Variants in RASGRF2 observed in about 807,000 individuals in gnomAD.
RASGRF2 encodes the protein Ras protein specific guanine nucleotide releasing factor 2, also known as ras-specific guanine nucleotide-releasing factor 2.
In RASGRF2, 76 loss-of-function variants were observed where a neutral mutation model predicts 151.0. The observed-to-expected ratio is 0.50, with a 90% CI of 0.42 to 0.61. The LOEUF (loss-of-function observed/expected upper bound fraction) is 0.61. RASGRF2 is among the 20% of genes least tolerant of loss of function. The pLI, the probability that RASGRF2 is intolerant of heterozygous loss-of-function variation, is 0.00. For missense variants in RASGRF2, 1,148 were observed against 1,564.6 expected, an observed-to-expected ratio of 0.73 and a Z score of 4.49; for synonymous variants, 504 against 566.5, an observed-to-expected ratio of 0.89 and a Z score of 1.57.
intron 19 of RASGRF2, among the ~76,000 whole-genome samples, chr5:81,202,610 C>G (rs891250006): frequency 1.3e-5 from 2 of 152,202 alleles, no homozygotes; most frequent in African/African-American, 4.8e-5. Flanking sequence ...TATTGAAGTC[C>G]TAGCCTCCCA....
At chr5:81,221,703 G>A (rs995314613) in intron 26 of RASGRF2, among the ~76,000 whole-genome samples, 7 of 151,988 alleles carry the variant, frequency 4.6e-5, no homozygotes, top group African/African-American at 1.5e-4. Context: ...GTGGCCGGGC[G>A]CCTTGGCTCA....
intron 1 of RASGRF2, among the ~76,000 whole-genome samples, chr5:80,994,990 C>T (rs1748788879): frequency 6.6e-6 from 1 of 152,136 alleles, no homozygotes; most frequent in Admixed American, 6.5e-5. Context: ...GGCATGGTGG[C>T]TCACACCTGT....
rs1258229895 is a variant in RASGRF2, at chr5:81,083,267, C to G, written c.1161+2478C>G. ...CGCCTCAGGATGAGGCTAGGGTTCT[C>G]ACTTTTTTTTTTTTTTTTTGCTGGA... is the stretch of plus-strand genomic sequence containing the variant. On this transcript the variant is annotated intron_variant, in intron 7 of 26. Transcript: ENST00000265080. Among the ~76,000 whole-genome samples, 5 of 114,946 alleles carry G rather than the reference C, an allele frequency of 4.3e-5. No individual in the cohort carries two copies. In the East Asian group the frequency reaches 1.1e-3, roughly 26 times the overall value. 75.4% of individuals were successfully genotyped at this position (114,946 alleles called of 152,430 possible).
intron 17 of RASGRF2, among the ~76,000 whole-genome samples, chr5:81,163,778 C>G (rs963144804): frequency 1.3e-5 from 2 of 152,096 alleles, no homozygotes; most frequent in Non-Finnish European, 2.9e-5. Flanking sequence ...CTGGCCACTA[C>G]GCTGGGAGGC....
intron 25 of RASGRF2, 132 bp from the exon 26 acceptor site, chr5:81,219,578 G>A: frequency 3.1e-6 from 2 of 652,660 alleles, no homozygotes; most frequent in South Asian, 2.2e-5. Flanking sequence ...TGGTCAGGCA[G>A]GCTCCACCCG....
chr5:81,207,456 TGTGA>T, intron 21 of RASGRF2, 107 bp downstream of exon 21: 1 of 885,502 alleles, frequency 1.1e-6, no homozygotes, highest in Non-Finnish European at 1.8e-6. Context: ...TCAGTTCCTG[TGTGA>T]GTATCTACCA....
At chr5:80,993,545 C>A (rs1580176348) in intron 1 of RASGRF2, among the ~76,000 whole-genome samples, 2 of 152,256 alleles carry the variant, frequency 1.3e-5, no homozygotes, top group South Asian at 2.1e-4. Context: ...CAAGAAAGAG[C>A]TGACATTCTC....
chr5:80,969,207 G>A (rs542582185), intron 1 of RASGRF2, among the ~76,000 whole-genome samples: 38 of 137,088 alleles, frequency 2.8e-4, no homozygotes, highest in African/African-American at 8.8e-4. Flanking sequence ...CTCAGCTCAC[G>A]GCAATCTCTG....
intron 1 of RASGRF2, among the ~76,000 whole-genome samples, chr5:81,006,870 C>T (rs759537840): frequency 6.6e-6 from 1 of 152,210 alleles, no homozygotes; most frequent in Non-Finnish European, 1.5e-5. Flanking sequence ...TCCATCAACA[C>T]ACTTTTATAG....
chr5:81,058,775 CAAAAAAA>C lies in RASGRF2; in HGVS notation c.396-9238_396-9232del, dbSNP rs56875865. On this transcript the variant is annotated intron_variant, in intron 2 of 26. Transcript: ENST00000265080. Reference sequence around the variant, plus strand: ...TGGGCAACAGAGCAAGGCCCTGTATCAAAAAAAAAAAAAAAAAAAAAAAAAGAGAGTG... The same window carrying C: ...TGGGCAACAGAGCAAGGCCCTGTATCAAAAAAAAAAAAAAAAAAGAGAGTG... Among the ~76,000 whole-genome samples, 4 of 70,108 alleles carry C rather than the reference CAAAAAAA, an allele frequency of 5.7e-5. No homozygotes were observed. The East Asian group carries it at 1.4e-3, about 24-fold the overall frequency. The allele number at this position is 70,108 out of a possible 152,430, so 46.0% of individuals were successfully genotyped here.
At chr5:81,159,062 G>C (rs570540885) in intron 17 of RASGRF2, among the ~76,000 whole-genome samples, 1 of 152,170 alleles carries the variant, frequency 6.6e-6, no homozygotes, top group Admixed American at 6.5e-5. Context: ...GCAAATGAAT[G>C]GATAGTCAAA....
At chr5:81,032,491 T>C (rs1097838) in intron 1 of RASGRF2, among the ~76,000 whole-genome samples, 121,001 of 151,852 alleles carry the variant, frequency 0.8, 48,706 homozygotes, top group Middle Eastern at 0.92. Flanking sequence ...GCTGGTTCAA[T>C]ATATGCAAAT....
intron 1 of RASGRF2, among the ~76,000 whole-genome samples, chr5:80,991,026 T>G (rs1021616664): frequency 3.9e-5 from 6 of 152,186 alleles, no homozygotes; most frequent in South Asian, 2.1e-4. Flanking sequence ...CTGGGACCCA[T>G]TATTTTTGTC....
chr5:81,218,895 C>T (rs1561265749), intron 25 of RASGRF2, among the ~76,000 whole-genome samples: 1 of 152,072 alleles, frequency 6.6e-6, no homozygotes, highest in East Asian at 1.9e-4. Flanking sequence ...TTGTAATTTT[C>T]ACCAGTGTTT....
chr5:81,062,016 A>AAAC lies in RASGRF2; in HGVS notation c.396-6014_396-6013insCAA, dbSNP rs1554090620. 7.6e-3 allele frequency among the ~76,000 whole-genome samples: 959 copies of AAAC among 126,322 alleles called. 59 individuals carry two copies. The highest frequency in any genetic ancestry group is 0.016 in the African/African-American group (535 of 34,030). The allele number at this position is 126,322 out of a possible 152,430, so 82.9% of individuals were successfully genotyped here. A position where few individuals can be genotyped will look rare whatever the true frequency, so the allele number is the denominator to read the frequency against. On this transcript the variant is annotated intron_variant, in intron 2 of 26. Transcript: ENST00000265080. Reference sequence around the variant, plus strand: ...AGCTGACAAAAAAAAAAAAAAAAAAAAAAAAAAACTGTAGAGATGAGATCT... The same window carrying AAAC: ...AGCTGACAAAAAAAAAAAAAAAAAAAAACAAAAAAAACTGTAGAGATGAGATCT...
intron 23 of RASGRF2, among the ~76,000 whole-genome samples, chr5:81,215,620 C>G (rs1755720199): frequency 6.6e-6 from 1 of 152,140 alleles, no homozygotes; most frequent in Non-Finnish European, 1.5e-5. Flanking sequence ...TGCAGTGTTT[C>G]TTTCCACACA....
chr5:81,132,773 A>G (rs1753656337), intron 17 of RASGRF2, among the ~76,000 whole-genome samples: 1 of 152,214 alleles, frequency 6.6e-6, no homozygotes, highest in Non-Finnish European at 1.5e-5. Context: ...ACCATCATTG[A>G]TCTACAAATT....
At chr5:81,148,445 A>C (rs1374590192) in intron 17 of RASGRF2, among the ~76,000 whole-genome samples, 1 of 152,122 alleles carries the variant, frequency 6.6e-6, no homozygotes, top group African/African-American at 2.4e-5. Context: ...GTTTCGGTTT[A>C]ATTTTCCAAC....
At chr5:81,032,826 G>A (rs1334774099) in intron 1 of RASGRF2, among the ~76,000 whole-genome samples, 2 of 152,174 alleles carry the variant, frequency 1.3e-5, no homozygotes, top group Non-Finnish European at 2.9e-5. Flanking sequence ...GAAATAAAGG[G>A]TATTCAATTA....
Sources: allele counts gnomAD v4.1 joint callset (sites outside exome capture counted in the v4.1 genomes callset), GRCh38; gene constraint gnomAD v4.1.1; transcripts MANE v1.5; gene names NCBI Gene and HGNC (gene_info 2026-07-23, HGNC 2026-07-21).